Variants in CLK3 observed in about 807,000 individuals in gnomAD.
CLK3 encodes the protein dual specificity protein kinase CLK3.
A neutral mutation model predicts 65.2 loss-of-function variants in CLK3; 24 were observed. The observed-to-expected ratio is 0.37, with a 90% CI of 0.27 to 0.52. CLK3 has a LOEUF of 0.52. Among genes scored for constraint, CLK3 ranks in the 20% least tolerant of loss-of-function variants. CLK3 has a pLI of 0.92. For synonymous variants in CLK3, 252 were observed against 240.8 expected, an observed-to-expected ratio of 1.05 and a Z score of -0.43; for missense variants, 506 against 660.0, an observed-to-expected ratio of 0.77 and a Z score of 2.56.
chr15:74,624,547 G>GAAA lies in CLK3; in HGVS notation c.534-355_534-354insAAA. On this transcript the variant is annotated intron_variant, in intron 5 of 12. Coordinates refer to ENST00000395066, the MANE Select transcript of CLK3 (RefSeq NM_001130028.2). The surrounding 1 kb of genome is among the most constrained non-coding windows in gnomAD (Gnocchi z 4.2). ...TCGGTGGGACAGCCTGGCCAGGGTT[G>GAAA]GGGCTGCCTGGCCTATAGGTTAGGT... 1.8e-5 allele frequency: 4 copies of GAAA among 226,876 alleles called. No individual in the cohort carries two copies. The highest frequency in any genetic ancestry group is 3.5e-5 in the Non-Finnish European group (4 of 115,204). 14.1% of individuals were successfully genotyped at this position (226,876 alleles called of 1,614,324 possible). A position where few individuals can be genotyped will look rare whatever the true frequency, so the allele number is the denominator to read the frequency against.
chr15:74,620,339 T>C, intron 3 of CLK3, 114 bp downstream of exon 3: 2 of 1,366,074 alleles, frequency 1.5e-6, no homozygotes, highest in Non-Finnish European at 2.0e-6. Context: ...CGTGCACTGG[T>C]GTGCGTGCAT....
chr15:74,624,499 C>G lies in CLK3; in HGVS notation c.534-403C>G. ...GACTTGCAGACAAGCTCAGGAAGGT[C>G]AAGAGGCGCCGCAGGAGGGTTCTCG... is the stretch of plus-strand genomic sequence containing the variant. On this transcript the variant is annotated intron_variant, in intron 5 of 12. Transcript: ENST00000395066. The surrounding 1 kb of genome is among the most constrained non-coding windows in gnomAD (Gnocchi z 4.2). 5.0e-6 allele frequency: 1 copy of G among 198,926 alleles called. No individual in the cohort carries two copies. Among genetic ancestry groups the G allele is most frequent in the Non-Finnish European group, 1.0e-5 (1 of 95,806 alleles). The allele number at this position is 198,926 out of a possible 1,614,324, so 12.3% of individuals were successfully genotyped here.
intron 7 of CLK3, among the ~76,000 whole-genome samples, chr15:74,626,338 C>T (rs564455397): frequency 6.6e-6 from 1 of 152,302 alleles, no homozygotes; most frequent in African/African-American, 2.4e-5. Context: ...ACATGGAGAC[C>T]CTCGGTCTAA....
chr15:74,626,986 A>G (rs959363594), intron 7 of CLK3: 12 of 466,532 alleles, frequency 2.6e-5, no homozygotes, highest in Non-Finnish European at 5.1e-5. Context: ...TCATTTTGCA[A>G]AGGGCCCTGC....
In CLK3 at chr15:74,622,566, C is replaced by T. The variant is rs747244121; in HGVS notation, c.533+6C>T. ...GAGTGCTTGGACCATGCCAGGTGAG[C>T]GAGCTGCGGCAGTACAGCTGGCTCC... On this transcript the variant is annotated splice_donor_region_variant and intron_variant, in intron 5 of 12. Coordinates refer to ENST00000395066, the MANE Select transcript of CLK3 (RefSeq NM_001130028.2). This position sits in a 1 kb window ranked among gnomAD's most constrained non-coding sequence, Gnocchi z 4.6. 7.5e-6 allele frequency: 12 copies of T among 1,606,356 alleles called. No individual in the cohort carries two copies. Among genetic ancestry groups the T allele is most frequent in the Middle Eastern group, 3.3e-4 (2 of 6,052 alleles).
rs777614186 is a variant in CLK3, at chr15:74,619,345, G to A, written c.149G>A (p.Arg50Lys). The change falls in exon 2 of 13, where the codon AGA (arginine) becomes AAA (lysine). Residue 50 changes from arginine to lysine, a missense_variant. This residue lies in a region of CLK3 where 181 missense variants were observed against 159.4 expected (regional missense o/e 1.14). Coordinates refer to ENST00000395066, the MANE Select transcript of CLK3 (RefSeq NM_001130028.2). ...CCTCCCCCACGAAGATCTCGGTCCA[G>A]AAGGTGAGAGGGAACTAGATAGGAG... Reference protein sequence around the residue: ...REPPPRRSRSRSHDRLPYQRR... With the variant: ...REPPPRRSRSKSHDRLPYQRR... 5.6e-6 allele frequency: 9 copies of A among 1,613,996 alleles called. No homozygotes were observed. The African/African-American group carries it at 1.1e-4, about 19-fold the overall frequency.
At chr15:74,615,275 G>C, upstream of CLK3, 1 of 493,526 alleles carries the variant, frequency 2.0e-6, no homozygotes, top group Non-Finnish European at 3.2e-6. Context: ...TATCTTCCCA[G>C]AAACTGCCCC....
Position 74,627,295 on chromosome 15 carries a change from C to A in CLK3, c.818-57C>A. On this transcript the variant is annotated intron_variant, in intron 7 of 12. Coordinates refer to ENST00000395066, the MANE Select transcript of CLK3 (RefSeq NM_001130028.2). The surrounding 1 kb of genome is among the most constrained non-coding windows in gnomAD (Gnocchi z 4.3). ...ATTGGAAGAGGGGTCTGGCCTAGAGCTGGCAGGAGAGCCAGCTTCTCAGTG... is the reference window on the plus strand; with the variant it reads ...ATTGGAAGAGGGGTCTGGCCTAGAGATGGCAGGAGAGCCAGCTTCTCAGTG... The A allele has an allele frequency of 7.3e-7, 1 of 1,377,826 alleles. No homozygotes were observed. Among genetic ancestry groups the A allele is most frequent in the South Asian group, 1.2e-5 (1 of 85,750 alleles). The allele number at this position is 1,377,826 out of a possible 1,614,324, so 85.4% of individuals were successfully genotyped here.
Position 74,620,061 on chromosome 15 carries a change from A to G in CLK3, c.205A>G (p.Thr69Ala), listed in dbSNP as rs761636972. 2 of 1,613,936 alleles carry G rather than the reference A, an allele frequency of 1.2e-6. No individual in the cohort carries two copies. The highest frequency in any genetic ancestry group is 2.2e-5 in the South Asian group (2 of 91,078). The change falls in exon 3 of 13, where the codon ACA becomes GCA. Residue 69 changes from threonine (T) to alanine (A), a missense_variant. This residue lies in a region of CLK3 where 181 missense variants were observed against 159.4 expected (regional missense o/e 1.14). Coordinates refer to ENST00000395066, the MANE Select transcript of CLK3 (RefSeq NM_001130028.2). ...GTACCGGGAGCGCCGTGACAGCGATACATACCGGTGTGAAGAGCGGAGCCC... is the reference window on the plus strand; with the variant it reads ...GTACCGGGAGCGCCGTGACAGCGATGCATACCGGTGTGAAGAGCGGAGCCC... ...RRYRERRDSD[T>A]YRCEERSPSF...
At position 74,621,866 on chromosome 15, in the gene CLK3, T is replaced by C; in HGVS notation, c.370-254T>C. 4.0e-6 allele frequency: 2 copies of C among 497,382 alleles called. No homozygotes were observed. Among genetic ancestry groups the C allele is most frequent in the Non-Finnish European group, 7.6e-6 (2 of 262,242 alleles). The allele number at this position is 497,382 out of a possible 1,614,324, so 30.8% of individuals were successfully genotyped here. A position where few individuals can be genotyped will look rare whatever the true frequency, so the allele number is the denominator to read the frequency against. ...CCTCTTAAAGATAATGTCCGAGTTT[T>C]CTTTACATACCTGTAGCTGTTTTTA... On this transcript the variant is annotated intron_variant, in intron 3 of 12. Coordinates refer to ENST00000395066, the MANE Select transcript of CLK3 (RefSeq NM_001130028.2). The surrounding 1 kb of genome is among the most constrained non-coding windows in gnomAD (Gnocchi z 4.8).
upstream of CLK3, chr15:74,615,615 G>A (rs1025001571): frequency 1.6e-6 from 2 of 1,251,744 alleles, no homozygotes; most frequent in Admixed American, 4.2e-5. Flanking sequence ...ACCTACGTGC[G>A]CCGCGACACG....
At chr15:74,615,749 G>A, upstream of CLK3, 1 of 1,238,654 alleles carries the variant, frequency 8.1e-7, no homozygotes, top group Non-Finnish European at 1.0e-6. Context: ...GGCTAGAGCG[G>A]CCAGGCCTCC....
Position 74,619,338 on chromosome 15 carries a change from C to T in CLK3, c.142C>T (p.Arg48Trp), listed in dbSNP as rs764753199. 2.2e-5 allele frequency: 36 copies of T among 1,614,082 alleles called. No homozygotes were observed. The highest frequency in any genetic ancestry group is 1.2e-4 in the Admixed American group (7 of 60,028). The change falls in exon 2 of 13, where the codon CGG becomes TGG. Residue 48 changes from arginine to tryptophan, a missense_variant. By Grantham distance (101) the Arg-to-Trp change is moderately radical (BLOSUM62 -3). Around this residue, in one of 2 missense-constraint regions of CLK3, gnomAD observed 181 missense variants for 159.4 expected, o/e 1.14. Transcript: ENST00000395066. ...AAGGGAGCCTCCCCCACGAAGATCT[C>T]GGTCCAGAAGGTGAGAGGGAACTAG... ...SRREPPPRRS[R>W]SRSHDRLPYQ...
At chr15:74,611,244 G>T (rs185973377), upstream of CLK3, among the ~76,000 whole-genome samples, 20 of 152,260 alleles carry the variant, frequency 1.3e-4, no homozygotes, top group Admixed American at 1.0e-3. Flanking sequence ...TCTCCTCTGG[G>T]TGCCCCAGAC....
At chr15:74,616,793 G>A (rs1314757701) in intron 1 of CLK3, among the ~76,000 whole-genome samples, 1 of 152,254 alleles carries the variant, frequency 6.6e-6, no homozygotes, top group Non-Finnish European at 1.5e-5. Flanking sequence ...TGACCTGGCT[G>A]GCTGCACTTC....
chr15:74,614,870 G>C (rs1227110894), upstream of CLK3: 1 of 152,254 alleles, frequency 6.6e-6, no homozygotes, highest in Non-Finnish European at 1.5e-5. Flanking sequence ...CTCGCGTGGC[G>C]TGGGGACAAT....
At chr15:74,616,000 C>G (rs544909285) in intron 1 of CLK3, 102 bp downstream of exon 1, 2 of 900,548 alleles carry the variant, frequency 2.2e-6, no homozygotes, top group Non-Finnish European at 2.9e-6. Flanking sequence ...GGCCTACTCC[C>G]TTTCTTTCTC....
chr15:74,610,685 C>G (rs530348726), intron 1 of CLK3, among the ~76,000 whole-genome samples: 1 of 152,232 alleles, frequency 6.6e-6, no homozygotes, highest in East Asian at 1.9e-4. Flanking sequence ...CGAGATACAC[C>G]GCCTCTCCAG....
At position 74,619,242 on chromosome 15, in the gene CLK3, C is replaced by A. The variant is rs1455377507; in HGVS notation, c.46C>A (p.Leu16Met). Reference sequence around the variant, plus strand: ...CCGCTCCCCTGAACCAGACCCGTACCTGAGCTACCGATGGAAGAGGAGGAG... The same window carrying A: ...CCGCTCCCCTGAACCAGACCCGTACATGAGCTACCGATGGAAGAGGAGGAG... ...RYRSPEPDPYLSYRWKRRRSY... is the reference protein window; with the variant it reads ...RYRSPEPDPYMSYRWKRRRSY... The change falls in exon 2 of 13, where the codon CTG becomes ATG. Residue 16 changes from leucine (L) to methionine (M), a missense_variant. By Grantham distance (15) the Leu-to-Met change is conservative. Coordinates refer to ENST00000395066, the MANE Select transcript of CLK3 (RefSeq NM_001130028.2). The A allele has an allele frequency of 1.9e-6, 3 of 1,614,094 alleles. No individual in the cohort carries two copies. In the African/African-American group the frequency reaches 4.0e-5, roughly 22 times the overall value.
Sources: allele counts gnomAD v4.1 joint callset (sites outside exome capture counted in the v4.1 genomes callset), GRCh38; gene constraint gnomAD v4.1.1; regional missense constraint gnomAD v4.1.1; non-coding constraint Gnocchi (gnomAD v3.1); transcripts MANE v1.5; gene names NCBI Gene and HGNC (gene_info 2026-07-23, HGNC 2026-07-21).